The following HTATSF1 variants were observed in gnomAD, a reference collection of about 807,000 sequenced individuals.
The protein encoded by HTATSF1 is HIV-1 Tat specific factor 1.
HTATSF1 carries 6 observed loss-of-function variants against 46.1 expected under a neutral mutation model. The ratio of observed to expected loss-of-function variants is 0.13; its 90% CI spans 0.07 to 0.26. The LOEUF (loss-of-function observed/expected upper bound fraction) is 0.26, where lower values mean the gene tolerates loss of function less well. Among genes scored for constraint, HTATSF1 ranks in the 10% least tolerant of loss-of-function variants. The pLI is 1.00. For synonymous variants in HTATSF1, 226 were observed against 211.5 expected, an observed-to-expected ratio of 1.07 and a Z score of -0.60; for missense variants, 452 against 559.9, an observed-to-expected ratio of 0.81 and a Z score of 1.94.
chrX:136,498,275 A>G (rs944349707), intron 1 of HTATSF1, among the ~76,000 whole-genome samples: 1 of 111,919 alleles, frequency 8.9e-6, no homozygotes, highest in Non-Finnish European at 1.9e-5. Flanking sequence ...TTTCTTTTTT[A>G]AAGTAGCTGT....
Position 136,499,711 on chromosome X carries a change from T to G in HTATSF1, c.300T>G (p.Pro100=). The G allele has an allele frequency of 8.3e-7, 1 of 1,197,808 alleles. No individual in the cohort carries two copies. Among genetic ancestry groups the G allele is most frequent in the East Asian group, 3.0e-5 (1 of 33,370 alleles). The change falls in exon 2 of 9, where the codon CCT becomes CCG. Residue 100 remains proline (P), a synonymous_variant. Transcript: ENST00000218364. ...TCCATGCTAGGACTGCAGAGGAACC[T>G]CCACAAGAAAAAGCCCCGGAACCCA... ...EDVHARTAEE[P]PQEKAPEPTD...
chrX:136,497,596 C>G lies in HTATSF1; in HGVS notation c.-89C>G. ...GGGGGGCGGCGGGGCGCGAGCAGAG[C>G]GCGGTTGACCTCCCTTTCTCTGCTC... On this transcript the variant is annotated 5_prime_UTR_variant, in exon 1 of 9. Transcript: ENST00000218364. 2.6e-6 allele frequency: 2 copies of G among 781,982 alleles called. No individual in the cohort carries two copies. The highest frequency in any genetic ancestry group is 3.7e-5 in the East Asian group (1 of 27,291). 64.4% of individuals were successfully genotyped at this position (781,982 alleles called of 1,213,427 possible).
At chrX:136,499,527 C>A in intron 1 of HTATSF1, 71 bp from the exon 2 acceptor site, 1 of 840,003 alleles carries the variant, frequency 1.2e-6, no homozygotes, top group Non-Finnish European at 1.6e-6. Context: ...TGTAAAAACA[C>A]AATTTAAACT....
chrX:136,497,372 G>A (rs2075695511), upstream of HTATSF1: 1 of 115,158 alleles, frequency 8.7e-6, no homozygotes, highest in Non-Finnish European at 1.8e-5. Context: ...GGCGGCGGCA[G>A]CGCGCCTGCG....
In HTATSF1 at chrX:136,509,111, T is replaced by C. The variant is rs758015036; in HGVS notation, c.855T>C (p.Asn285=). The C allele has an allele frequency of 3.1e-5, 37 of 1,205,491 alleles. No individual in the cohort carries two copies. The highest frequency in any genetic ancestry group is 3.7e-5 in the Non-Finnish European group (33 of 891,088). Residue 285 remains asparagine, a synonymous_variant, in exon 7 of 9, where the codon AAT becomes AAC. Coordinates refer to ENST00000218364, the MANE Select transcript of HTATSF1 (RefSeq NM_014500.5). ...MDFEDDPLVL[N]EIREDLRVEC... ...TTCAGGATGATCCGTTGGTGCTGAA[T>C]GAGATCAGAGAAGACCTTCGAGTAG...
intron 5 of HTATSF1, among the ~76,000 whole-genome samples, chrX:136,503,327 G>A (rs780234434): frequency 1.8e-5 from 2 of 111,970 alleles, no homozygotes; most frequent in Non-Finnish European, 3.8e-5. Context: ...AGAAATGACA[G>A]GATTTTATAA....
In HTATSF1 at chrX:136,499,684, T is replaced by C. The variant is rs1350769597; in HGVS notation, c.273T>C (p.Asp91=). ...CTAGTTCTACCGCAAATGTTGAAGA[T>C]GTCCATGCTAGGACTGCAGAGGAAC... ...GASSSTANVE[D]VHARTAEEPP... The change falls in exon 2 of 9, where the codon GAT becomes GAC. Residue 91 remains aspartate (D), a synonymous_variant. Transcript: ENST00000218364. 3.3e-6 allele frequency: 4 copies of C among 1,200,220 alleles called. No individual in the cohort carries two copies. Among genetic ancestry groups the C allele is most frequent in the African/African-American group, 1.8e-5 (1 of 56,719 alleles).
intron 2 of HTATSF1, 38 bp from the exon 3 acceptor site, chrX:136,500,120 G>A: frequency 1.2e-6 from 1 of 866,187 alleles, no homozygotes; most frequent in Non-Finnish European, 1.7e-6. Flanking sequence ...ATCTTTTTTT[G>A]CAAGTGTTTT....
At chrX:136,504,979 T>C (rs1219589483) in intron 6 of HTATSF1, among the ~76,000 whole-genome samples, 1 of 112,340 alleles carries the variant, frequency 8.9e-6, no homozygotes, top group Non-Finnish European at 1.9e-5. Flanking sequence ...TTAATGGAAC[T>C]GTCCTTCCTC....
chrX:136,507,001 C>T (rs757097748), intron 6 of HTATSF1, among the ~76,000 whole-genome samples: 3 of 112,414 alleles, frequency 2.7e-5, no homozygotes, highest in Non-Finnish European at 3.8e-5. Flanking sequence ...TTTTCATTAT[C>T]ACAGAACCTT....
intron 4 of HTATSF1, among the ~76,000 whole-genome samples, chrX:136,501,051 TCTG>T (rs1281443685): frequency 8.9e-6 from 1 of 112,585 alleles, no homozygotes; most frequent in Non-Finnish European, 1.9e-5. Flanking sequence ...GAGTGCTTCT[TCTG>T]TCTTGAAAAA....
At position 136,499,670 on chromosome X, in the gene HTATSF1, G is replaced by A. The variant is rs752076763; in HGVS notation, c.259G>A (p.Ala87Thr). Residue 87 changes from alanine to threonine, a missense_variant, in exon 2 of 9, where the codon GCA (alanine) becomes ACA (threonine). Physicochemically the swap from Ala to Thr is moderately conservative, Grantham distance 58 (BLOSUM62 0). Transcript: ENST00000218364. ...TAACGATGGCGCATCTAGTTCTACC[G>A]CAAATGTTGAAGATGTCCATGCTAG... is the stretch of plus-strand genomic sequence containing the variant. ...FSNDGASSSTANVEDVHARTA... is the reference protein window; with the variant it reads ...FSNDGASSSTTNVEDVHARTA... 9.3e-5 allele frequency: 111 copies of A among 1,199,194 alleles called. No individual in the cohort carries two copies. The highest frequency in any genetic ancestry group is 1.1e-4 in the Non-Finnish European group (99 of 890,484).
intron 6 of HTATSF1, among the ~76,000 whole-genome samples, chrX:136,506,505 T>TAATA (rs2075742917): frequency 1.8e-5 from 2 of 112,319 alleles, no homozygotes; most frequent in Non-Finnish European, 3.8e-5. Context: ...AGTTGGCCCT[T>TAATA]AATATTTATG....
At chrX:136,507,565 A>G (rs1456965064) in intron 6 of HTATSF1, among the ~76,000 whole-genome samples, 1 of 103,773 alleles carries the variant, frequency 9.6e-6, no homozygotes. Context: ...TGTCTTCAAA[A>G]AAAAAAAAGA....
intron 8 of HTATSF1, among the ~76,000 whole-genome samples, chrX:136,510,526 T>A (rs1014989468): frequency 8.9e-6 from 1 of 112,405 alleles, no homozygotes; most frequent in African/African-American, 3.2e-5. Context: ...TTACTCTTCC[T>A]TTGTATGCTG....
In HTATSF1 at chrX:136,511,900, G is replaced by A. The variant is rs2075771009; in HGVS notation, c.2155G>A (p.Asp719Asn). The change falls in exon 9 of 9, where the codon GAC becomes AAC. Residue 719 changes from aspartate (D) to asparagine (N), a missense_variant. Coordinates refer to ENST00000218364, the MANE Select transcript of HTATSF1 (RefSeq NM_014500.5). ...GGAAGATTCCAGTGAGAAGTTGTTT[G>A]ACGATTCTGATGAGAGGGGGACTTT... is the stretch of plus-strand genomic sequence containing the variant. ...EEEDSSEKLF[D>N]DSDERGTLGG... 1 of 1,209,940 alleles carries A rather than the reference G, an allele frequency of 8.3e-7. No homozygotes were observed. The highest frequency in any genetic ancestry group is 1.8e-5 in the African/African-American group (1 of 57,138).
intron 6 of HTATSF1, among the ~76,000 whole-genome samples, chrX:136,505,443 TAC>T (rs1314421352): frequency 6.3e-5 from 7 of 111,935 alleles, no homozygotes; most frequent in African/African-American, 2.3e-4. Context: ...ATTGGAAATA[TAC>T]GTCTGGTTTA....
At chrX:136,504,178 C>G (rs1026676659) in intron 5 of HTATSF1, among the ~76,000 whole-genome samples, 186 bp from the exon 6 acceptor site, 2 of 112,373 alleles carry the variant, frequency 1.8e-5, no homozygotes, top group Non-Finnish European at 3.8e-5. Flanking sequence ...GCCCCCTGCC[C>G]ATTATTTTTA....
At chrX:136,499,452 T>A in intron 1 of HTATSF1, 146 bp from the exon 2 acceptor site, 1 of 401,363 alleles carries the variant, frequency 2.5e-6, no homozygotes, top group Non-Finnish European at 4.1e-6. Context: ...ATTCTTGCAT[T>A]TATACCTTAA....
Sources: allele counts gnomAD v4.1 joint callset (sites outside exome capture counted in the v4.1 genomes callset), GRCh38; gene constraint gnomAD v4.1.1; transcripts MANE v1.5; gene names NCBI Gene and HGNC (gene_info 2026-07-23, HGNC 2026-07-21).